CAMTA1: variants seen among roughly 807,000 people sequenced by gnomAD.
CAMTA1 encodes the protein calmodulin-binding transcription activator 1.
Under a neutral mutation model 170.9 loss-of-function variants are expected in CAMTA1, and 27 were observed. That is an observed-to-expected ratio of 0.16 (90% CI 0.12 to 0.22). CAMTA1 has a LOEUF of 0.22. Among genes scored for constraint, CAMTA1 ranks in the 10% least tolerant of loss-of-function variants. The probability of loss-of-function intolerance (pLI) is 1.00; values close to 1 mark genes in which losing one functional copy is unlikely to be tolerated. For missense variants in CAMTA1, 1,619 were observed against 2,217.2 expected, an observed-to-expected ratio of 0.73 and a Z score of 5.42; for synonymous variants, 833 against 891.5, an observed-to-expected ratio of 0.93 and a Z score of 1.17.
At chr1:7,507,524 C>G (rs992122538) in intron 6 of CAMTA1, among the ~76,000 whole-genome samples, 1 of 152,238 alleles carries the variant, frequency 6.6e-6, no homozygotes, top group African/African-American at 2.4e-5. Flanking sequence ...GGCAAACAGG[C>G]CCTTTATTAC....
Position 7,662,596 on chromosome 1 carries a change from G to A in CAMTA1, c.805+730G>A, listed in dbSNP as rs536134598. On this transcript the variant is annotated intron_variant, in intron 8 of 22. Transcript: ENST00000303635. ...GGAGAGAAAAGCCGTCCTGGCTGCCGGGGCTGGAGGAGCTGCCAGGGAGGC... is the reference window on the plus strand; with the variant it reads ...GGAGAGAAAAGCCGTCCTGGCTGCCAGGGCTGGAGGAGCTGCCAGGGAGGC... Among the ~76,000 whole-genome samples, 6 of 152,310 alleles carry A rather than the reference G, an allele frequency of 3.9e-5. No homozygotes were observed. The South Asian group carries it at 8.3e-4, about 21-fold the overall frequency.
At chr1:7,116,654 CTT>C (rs34283711) in intron 4 of CAMTA1, among the ~76,000 whole-genome samples, 4 of 143,422 alleles carry the variant, frequency 2.8e-5, no homozygotes, top group Admixed American at 7.0e-5. Flanking sequence ...TTCTTTCTTT[CTT>C]TTTTTTTTTT....
Position 7,333,067 on chromosome 1 carries a change from A to G in CAMTA1, c.438+83441A>G, listed in dbSNP as rs926581539. On this transcript the variant is annotated intron_variant, in intron 5 of 22. Coordinates refer to ENST00000303635, the MANE Select transcript of CAMTA1 (RefSeq NM_015215.4). The surrounding 1 kb of genome is among the most constrained non-coding windows in gnomAD (Gnocchi z 4.4). ...GTCTGTTTCCTTGCATTCCTCAGCC[A>G]TTTATTGCTGCACCCACTCCAGCGG... is the stretch of plus-strand genomic sequence containing the variant. Among the ~76,000 whole-genome samples the G allele has an allele frequency of 3.3e-5, 5 of 152,302 alleles. No homozygotes were observed. Among genetic ancestry groups the G allele is most frequent in the African/African-American group, 1.2e-4 (5 of 41,572 alleles).
At chr1:7,075,493 C>T (rs1375391691) in intron 3 of CAMTA1, among the ~76,000 whole-genome samples, 1 of 152,050 alleles carries the variant, frequency 6.6e-6, no homozygotes, top group Non-Finnish European at 1.5e-5. Flanking sequence ...AAATTGCTGC[C>T]CTGGAGCACA....
intron 1 of CAMTA1, among the ~76,000 whole-genome samples, chr1:6,800,159 A>G (rs908569818): frequency 1.1e-4 from 17 of 152,084 alleles, no homozygotes; most frequent in Non-Finnish European, 2.4e-4. Flanking sequence ...TAATCTAAGC[A>G]CTTTGGGAGG....
chr1:6,785,988 G>T (rs940288651), intron 1 of CAMTA1, among the ~76,000 whole-genome samples: 1 of 151,178 alleles, frequency 6.6e-6, no homozygotes, highest in African/African-American at 2.4e-5. Flanking sequence ...GCCGCGGGGC[G>T]GAAAGTTTAT....
intron 4 of CAMTA1, among the ~76,000 whole-genome samples, chr1:7,103,741 C>T (rs1385153150): frequency 2.0e-5 from 3 of 150,860 alleles, no homozygotes; most frequent in African/African-American, 7.3e-5. Context: ...CACACATGTA[C>T]ACACAATACA....
intron 10 of CAMTA1, among the ~76,000 whole-genome samples, 193 bp downstream of exon 10, chr1:7,671,230 G>C (rs577694690): frequency 6.6e-6 from 1 of 152,204 alleles, no homozygotes; most frequent in Non-Finnish European, 1.5e-5. Context: ...CCTAATATAG[G>C]ACAGGGACAC....
At chr1:7,515,778 C>T (rs1266613099) in intron 6 of CAMTA1, among the ~76,000 whole-genome samples, 1 of 152,216 alleles carries the variant, frequency 6.6e-6, no homozygotes, top group African/African-American at 2.4e-5. Context: ...CCAGGATCTG[C>T]TGGTCTGCTA....
intron 5 of CAMTA1, among the ~76,000 whole-genome samples, chr1:7,306,093 T>C (rs950679795): frequency 2.0e-5 from 3 of 152,090 alleles, no homozygotes; most frequent in African/African-American, 7.2e-5. Flanking sequence ...ATCTGAAAAG[T>C]GTCTCCTAGA....
Position 7,463,712 on chromosome 1 carries a change from A to T in CAMTA1, c.439-4118A>T, listed in dbSNP as rs889350753. On this transcript the variant is annotated intron_variant, in intron 5 of 22. Coordinates refer to ENST00000303635, the MANE Select transcript of CAMTA1 (RefSeq NM_015215.4). The surrounding 1 kb of genome is among the most constrained non-coding windows in gnomAD (Gnocchi z 4.7). ...TGGGGGCAGAAATCTGCTGCGTCAG[A>T]TGAGGCCGTAGAGAGCTGGCCGGGA... 1.3e-5 allele frequency among the ~76,000 whole-genome samples: 2 copies of T among 152,158 alleles called. No individual in the cohort carries two copies. Among genetic ancestry groups the T allele is most frequent in the African/African-American group, 4.8e-5 (2 of 41,436 alleles).
intron 3 of CAMTA1, among the ~76,000 whole-genome samples, chr1:6,899,544 ACGCGCG>A (rs963107725): frequency 1.9e-5 from 2 of 102,618 alleles, no homozygotes; most frequent in African/African-American, 8.1e-5. Flanking sequence ...TATAACGCGC[ACGCGCG>A]CGCGCACACA....
At position 7,481,683 on chromosome 1, in the gene CAMTA1, T is replaced by G. The variant is rs1272893729; in HGVS notation, c.510+13782T>G. 2.0e-5 allele frequency among the ~76,000 whole-genome samples: 3 copies of G among 152,206 alleles called. No homozygotes were observed. The East Asian group carries it at 5.8e-4, about 29-fold the overall frequency. On this transcript the variant is annotated intron_variant, in intron 6 of 22. Coordinates refer to ENST00000303635, the MANE Select transcript of CAMTA1 (RefSeq NM_015215.4). ...TGACCATATCATTTGATCACTTACG[T>G]GTTCCACCTATCCAGCAATTTTTCG... is the stretch of plus-strand genomic sequence containing the variant.
At chr1:7,630,108 G>A (rs2095659012) in intron 6 of CAMTA1, among the ~76,000 whole-genome samples, 1 of 152,144 alleles carries the variant, frequency 6.6e-6, no homozygotes, top group African/African-American at 2.4e-5. Context: ...GCCAGCCCGG[G>A]CCCCCACGCA....
At chr1:7,326,810 A>G (rs886213278) in intron 5 of CAMTA1, among the ~76,000 whole-genome samples, 2 of 152,220 alleles carry the variant, frequency 1.3e-5, no homozygotes, top group African/African-American at 4.8e-5. Flanking sequence ...GGCAGCCCCA[A>G]GAAACTAATA....
At chr1:7,453,917 G>A (rs1457275389) in intron 5 of CAMTA1, among the ~76,000 whole-genome samples, 2 of 152,252 alleles carry the variant, frequency 1.3e-5, no homozygotes, top group Non-Finnish European at 2.9e-5. Flanking sequence ...CATCCACTGT[G>A]GTGAGCTGCA....
At chr1:6,884,247 C>G (rs950775390) in intron 3 of CAMTA1, among the ~76,000 whole-genome samples, 2 of 150,792 alleles carry the variant, frequency 1.3e-5, no homozygotes, top group Non-Finnish European at 3.0e-5. Flanking sequence ...ATGGCTGAAC[C>G]TAGCAGCCTT....
intron 5 of CAMTA1, among the ~76,000 whole-genome samples, chr1:7,308,995 A>G (rs142404869): frequency 6.6e-6 from 1 of 152,276 alleles, no homozygotes; most frequent in African/African-American, 2.4e-5. Context: ...GAAAGTTGTT[A>G]TTATGTATGT....
At chr1:6,831,000 A>T (rs1649850641) in intron 3 of CAMTA1, among the ~76,000 whole-genome samples, 1 of 151,508 alleles carries the variant, frequency 6.6e-6, no homozygotes, top group Non-Finnish European at 1.5e-5. Context: ...TTGTATTTTT[A>T]GTAGAGATGG....
Sources: allele counts gnomAD v4.1 joint callset (sites outside exome capture counted in the v4.1 genomes callset), GRCh38; gene constraint gnomAD v4.1.1; non-coding constraint Gnocchi (gnomAD v3.1); transcripts MANE v1.5; gene names NCBI Gene and HGNC (gene_info 2026-07-23, HGNC 2026-07-21).